USP25: variants seen among roughly 807,000 people sequenced by gnomAD.
USP25 encodes ubiquitin specific peptidase 25.
In USP25, 85 loss-of-function variants were observed where a neutral mutation model predicts 158.5. That is an observed-to-expected ratio of 0.54 (90% CI 0.45 to 0.64). The LOEUF is 0.64. USP25 is among the 30% of genes least tolerant of loss of function. The probability of loss-of-function intolerance (pLI) is 0.00; values close to 1 mark genes in which losing one functional copy is unlikely to be tolerated. For synonymous variants in USP25, 464 were observed against 460.4 expected, an observed-to-expected ratio of 1.01 and a Z score of -0.10; for missense variants, 1,242 against 1,327.3, an observed-to-expected ratio of 0.94 and a Z score of 1.00.
intron 20 of USP25, among the ~76,000 whole-genome samples, chr21:15,852,024 ATAAGT>A (rs1186107923): frequency 3.3e-5 from 5 of 152,152 alleles, no homozygotes; most frequent in Admixed American, 6.5e-5. Flanking sequence ...ATTTTCTTAA[ATAAGT>A]TATGTTATAT....
intron 17 of USP25, among the ~76,000 whole-genome samples, chr21:15,840,786 T>A (rs2038296449): frequency 6.6e-6 from 1 of 152,212 alleles, no homozygotes. Flanking sequence ...TAGACCAATG[T>A]CAGACCAGAT....
At chr21:15,834,371 G>A (rs1451633180) in intron 17 of USP25, among the ~76,000 whole-genome samples, 2 of 152,054 alleles carry the variant, frequency 1.3e-5, no homozygotes, top group South Asian at 4.1e-4. Flanking sequence ...TATAAATTAA[G>A]CGCATATATT....
intron 5 of USP25, among the ~76,000 whole-genome samples, chr21:15,795,402 G>C (rs1440082319): frequency 6.6e-6 from 1 of 151,402 alleles, no homozygotes; most frequent in East Asian, 1.9e-4. Flanking sequence ...CAACATGTTT[G>C]TTATGGTCTT....
chr21:15,755,866 G>A (rs1218139338), intron 1 of USP25, among the ~76,000 whole-genome samples: 1 of 152,156 alleles, frequency 6.6e-6, no homozygotes, highest in African/African-American at 2.4e-5. Context: ...TTCATAAAGG[G>A]AGAAGTGGAG....
intron 17 of USP25, among the ~76,000 whole-genome samples, chr21:15,839,376 C>G (rs181396475): frequency 1.6e-4 from 25 of 152,138 alleles, no homozygotes; most frequent in African/African-American, 5.8e-4. Flanking sequence ...TGGTAAAAGC[C>G]GAACTTGTTC....
In USP25 at chr21:15,756,512, T is replaced by C. The variant is rs146059441; in HGVS notation, c.46-6379T>C. 2.4e-3 allele frequency among the ~76,000 whole-genome samples: 362 copies of C among 152,294 alleles called. 5 individuals are homozygous for C. Among genetic ancestry groups the C allele is most frequent in the African/African-American group, 8.4e-3 (350 of 41,568 alleles). On this transcript the variant is annotated intron_variant, in intron 1 of 25. Coordinates refer to ENST00000400183, the MANE Select transcript of USP25 (RefSeq NM_001283041.3). ...CTTTTTTTGCATCCTCAAAAAGTTATACTGATGTTAAATATGCCCTCTTTA... is the reference window on the plus strand; with the variant it reads ...CTTTTTTTGCATCCTCAAAAAGTTACACTGATGTTAAATATGCCCTCTTTA...
intron 1 of USP25, among the ~76,000 whole-genome samples, chr21:15,740,375 A>G (rs1232210187): frequency 6.6e-6 from 1 of 152,178 alleles, no homozygotes; most frequent in Non-Finnish European, 1.5e-5. Context: ...TTTAATATGG[A>G]AGCAGGGTCT....
chr21:15,874,530 A>T lies in USP25; in HGVS notation c.3009+4A>T. The T allele has an allele frequency of 6.3e-7, 1 of 1,595,110 alleles. No individual in the cohort carries two copies. The highest frequency in any genetic ancestry group is 1.4e-5 in the African/African-American group (1 of 73,704). On this transcript the variant is annotated splice_donor_region_variant and intron_variant, in intron 24 of 25. Transcript: ENST00000400183. ...TTATAGAAGAGAATGTTTGCTAGTAAGTTGAATGCATATAGTATGATCTTA... is the reference window on the plus strand; with the variant it reads ...TTATAGAAGAGAATGTTTGCTAGTATGTTGAATGCATATAGTATGATCTTA...
intron 4 of USP25, among the ~76,000 whole-genome samples, chr21:15,781,419 A>T (rs2034955554): frequency 6.6e-6 from 1 of 152,238 alleles, no homozygotes; most frequent in Non-Finnish European, 1.5e-5. Context: ...TGAAGAACAC[A>T]TTAGAGCACT....
At chr21:15,752,901 T>C (rs2033125783) in intron 1 of USP25, among the ~76,000 whole-genome samples, 1 of 152,196 alleles carries the variant, frequency 6.6e-6, no homozygotes, top group South Asian at 2.1e-4. Flanking sequence ...TCTGTGACAG[T>C]AGGATATGCA....
chr21:15,862,132 G>A (rs2039453705), intron 20 of USP25, among the ~76,000 whole-genome samples: 1 of 152,074 alleles, frequency 6.6e-6, no homozygotes, highest in African/African-American at 2.4e-5. Flanking sequence ...AAGAGACTCA[G>A]TACAAATTTG....
chr21:15,831,364 A>AGTT, intron 15 of USP25, 37 bp from the exon 16 acceptor site: 1 of 1,589,428 alleles, frequency 6.3e-7, no homozygotes, highest in African/African-American at 1.3e-5. Flanking sequence ...AGTAAACTAC[A>AGTT]TAATTGCAGT....
Position 15,730,458 on chromosome 21 carries a change from C to T in USP25, c.45+20C>T. Reference sequence around the variant, plus strand: ...CAGAAGGTGAGGCGAGTCCGCCAGCCGGCGGGCCCCACTTCTCCTTCCGAC... The same window carrying T: ...CAGAAGGTGAGGCGAGTCCGCCAGCTGGCGGGCCCCACTTCTCCTTCCGAC... On this transcript the variant is annotated intron_variant, in intron 1 of 25. Transcript: ENST00000400183. 1 of 1,345,512 alleles carries T rather than the reference C, an allele frequency of 7.4e-7. No individual in the cohort carries two copies. The highest frequency in any genetic ancestry group is 9.6e-7 in the Non-Finnish European group (1 of 1,042,124). 83.3% of individuals were successfully genotyped at this position (1,345,512 alleles called of 1,614,324 possible). A position where few individuals can be genotyped will look rare whatever the true frequency, so the allele number is the denominator to read the frequency against.
Position 15,824,302 on chromosome 21 carries a change from A to G in USP25, c.1208+136A>G, listed in dbSNP as rs188191726. 12 of 986,720 alleles carry G rather than the reference A, an allele frequency of 1.2e-5. No individual in the cohort carries two copies. The Admixed American group carries it at 2.3e-4, about 19-fold the overall frequency. The allele number at this position is 986,720 out of a possible 1,614,324, so 61.1% of individuals were successfully genotyped here. ...ATAATATACCTAATACCATTTGTCA[A>G]GGTAGATGAAATTTACTTTGTATTA... On this transcript the variant is annotated intron_variant, in intron 11 of 25. Transcript: ENST00000400183.
intron 10 of USP25, among the ~76,000 whole-genome samples, chr21:15,819,600 A>C (rs896582932): frequency 6.6e-5 from 10 of 152,188 alleles, no homozygotes; most frequent in Non-Finnish European, 1.2e-4. Context: ...CCTAGTGGTA[A>C]TATGGTAACT....
intron 1 of USP25, among the ~76,000 whole-genome samples, chr21:15,739,546 A>G (rs554410292): frequency 2.2e-4 from 34 of 151,730 alleles, no homozygotes; most frequent in African/African-American, 7.7e-4. Flanking sequence ...TTTTTTTTGT[A>G]TTAGTGGCCC....
intron 10 of USP25, among the ~76,000 whole-genome samples, chr21:15,823,180 A>G (rs2146347046): frequency 6.6e-6 from 1 of 152,230 alleles, no homozygotes; most frequent in Non-Finnish European, 1.5e-5. Context: ...AGTTTATAAT[A>G]AGCACTTCAG....
At chr21:15,850,416 G>T (rs1280972435) in intron 20 of USP25, among the ~76,000 whole-genome samples, 1 of 151,946 alleles carries the variant, frequency 6.6e-6, no homozygotes, top group Non-Finnish European at 1.5e-5. Context: ...ACGATTCCAT[G>T]ATTTACCCAC....
At chr21:15,822,886 TA>T (rs1476762743) in intron 10 of USP25, among the ~76,000 whole-genome samples, 1 of 152,044 alleles carries the variant, frequency 6.6e-6, no homozygotes, top group African/African-American at 2.4e-5. Context: ...TAGCTTTCAG[TA>T]AAAGATAACC....
Sources: gnomAD v4.1 joint callset for allele counts (sites outside exome capture counted in the v4.1 genomes callset) on GRCh38, gnomAD v4.1.1 for gene constraint, MANE v1.5 for transcripts, NCBI Gene and HGNC (gene_info 2026-07-23, HGNC 2026-07-21) for gene names.